Variants in COL4A2 observed in about 807,000 individuals in gnomAD.
The protein encoded by COL4A2 is collagen alpha-2(IV) chain.
COL4A2 carries 99 observed loss-of-function variants against 200.2 expected under a neutral mutation model. The ratio of observed to expected loss-of-function variants is 0.49; its 90% CI spans 0.42 to 0.58. COL4A2 has a LOEUF of 0.58. COL4A2 is among the 20% of genes least tolerant of loss of function. The pLI, the probability that COL4A2 is intolerant of heterozygous loss-of-function variation, is 0.00. For missense variants in COL4A2, 1,950 were observed against 2,314.1 expected, an observed-to-expected ratio of 0.84 and a Z score of 3.23; for synonymous variants, 897 against 900.6, an observed-to-expected ratio of 1.00 and a Z score of 0.07.
At chr13:110,308,047 T>C in intron 2 of COL4A2, 22 bp from the exon 3 acceptor site, 1 of 1,613,590 alleles carries the variant, frequency 6.2e-7, no homozygotes, top group Middle Eastern at 1.7e-4. Context: ...TTCACGTCTC[T>C]CTTCCTCCCT....
chr13:110,422,855 T>G (rs1397150515), intron 4 of COL4A2, among the ~76,000 whole-genome samples: 1 of 152,230 alleles, frequency 6.6e-6, no homozygotes, highest in Non-Finnish European at 1.5e-5. Flanking sequence ...TCCATGCTAC[T>G]GCCTCAATGA....
intron 4 of COL4A2, among the ~76,000 whole-genome samples, chr13:110,370,851 A>G (rs780317053): frequency 6.6e-6 from 1 of 152,172 alleles, no homozygotes; most frequent in East Asian, 1.9e-4. Flanking sequence ...GCTAATTCCT[A>G]CTAGTATTTT....
chr13:110,433,239 G>A (rs1880749101), intron 11 of COL4A2, among the ~76,000 whole-genome samples: 1 of 152,212 alleles, frequency 6.6e-6, no homozygotes, highest in African/African-American at 2.4e-5. Context: ...CCCACCGCCT[G>A]GCAGCCTGGA....
At chr13:110,436,673 G>T (rs1204451405) in intron 13 of COL4A2, among the ~76,000 whole-genome samples, 4 of 151,988 alleles carry the variant, frequency 2.6e-5, no homozygotes, top group African/African-American at 4.8e-5. Context: ...GGAGGCTAAT[G>T]GTCATACCGT....
intron 6 of COL4A2, among the ~76,000 whole-genome samples, chr13:110,426,919 C>T (rs1350412810): frequency 6.6e-6 from 1 of 152,032 alleles, no homozygotes; most frequent in Non-Finnish European, 1.5e-5. Context: ...GCCAGCTCTG[C>T]AAACAGATCG....
intron 3 of COL4A2, among the ~76,000 whole-genome samples, chr13:110,311,170 G>A (rs191954564): frequency 6.6e-6 from 1 of 152,146 alleles, no homozygotes; most frequent in Non-Finnish European, 1.5e-5. Flanking sequence ...AGGATCAGGG[G>A]CAGCAAGTGA....
At chr13:110,316,197 C>G (rs1258977848) in intron 3 of COL4A2, among the ~76,000 whole-genome samples, 1 of 152,094 alleles carries the variant, frequency 6.6e-6, no homozygotes, top group African/African-American at 2.4e-5. Flanking sequence ...TTATCTGGTA[C>G]CTGGTGGTAA....
intron 41 of COL4A2, 80 bp from the exon 42 acceptor site, chr13:110,503,041 T>A: frequency 1.5e-6 from 2 of 1,323,542 alleles, no homozygotes; most frequent in Admixed American, 2.2e-5. Flanking sequence ...GTCGCCTGAA[T>A]GGGTGACGGT....
chr13:110,345,119 A>T (rs944325485), intron 3 of COL4A2, among the ~76,000 whole-genome samples: 2 of 152,090 alleles, frequency 1.3e-5, no homozygotes, highest in East Asian at 1.9e-4. Flanking sequence ...ATGTGATTTG[A>T]CTTTCTTCTT....
At chr13:110,452,040 A>C (rs1336818974) in intron 20 of COL4A2, among the ~76,000 whole-genome samples, 1 of 152,264 alleles carries the variant, frequency 6.6e-6, no homozygotes, top group Non-Finnish European at 1.5e-5. Context: ...AATCTCTTAC[A>C]GCCTCCTACC....
At chr13:110,470,207 T>C (rs368145381) in intron 28 of COL4A2, among the ~76,000 whole-genome samples, 58 of 152,248 alleles carry the variant, frequency 3.8e-4, no homozygotes, top group East Asian at 1.2e-3. Flanking sequence ...TGAGCCACTG[T>C]GCCAGGCCGC....
At chr13:110,380,838 C>T (rs1261615318) in intron 4 of COL4A2, among the ~76,000 whole-genome samples, 1 of 143,214 alleles carries the variant, frequency 7.0e-6, no homozygotes, top group East Asian at 2.2e-4. Flanking sequence ...CTCTATCTCA[C>T]AACCACAGAG....
Position 110,484,935 on chromosome 13 carries a change from C to G in COL4A2, c.2933C>G (p.Pro978Arg). 6.2e-7 allele frequency: 1 copy of G among 1,612,608 alleles called. No individual in the cohort carries two copies. The highest frequency in any genetic ancestry group is 8.5e-7 in the Non-Finnish European group (1 of 1,178,878). Residue 978 changes from proline (P) to arginine (R), a missense_variant, in exon 33 of 48, where the codon CCA (proline) becomes CGA (arginine). Physicochemically the swap from Pro to Arg is moderately radical, Grantham distance 103. This residue lies in a region of COL4A2 where 1,385 missense variants were observed against 1,720.5 expected (regional missense o/e 0.80). Transcript: ENST00000360467. The part of the protein sequence containing the change: ...GSRGDPGPPG[P>R]PPVILPGMKD... Reference sequence around the variant, plus strand: ...CGAGGGGACCCTGGGCCCCCAGGACCACCTCCTGTCATCCTGCCAGGAATG... The same window carrying G: ...CGAGGGGACCCTGGGCCCCCAGGACGACCTCCTGTCATCCTGCCAGGAATG...
chr13:110,436,276 T>G lies in COL4A2; in HGVS notation c.734T>G (p.Val245Gly), dbSNP rs746759612. 1 of 1,614,076 alleles carries G rather than the reference T, an allele frequency of 6.2e-7. No homozygotes were observed. The highest frequency in any genetic ancestry group is 1.7e-5 in the Admixed American group (1 of 60,024). Residue 245 changes from valine to glycine, a missense_variant, in exon 13 of 48, where the codon GTA becomes GGA. Val to Gly is a moderately radical substitution (Grantham distance 109). Coordinates refer to ENST00000360467, the MANE Select transcript of COL4A2 (RefSeq NM_001846.4). ...TTGCTTAACAATATGCAGGGTGACGTAGGGCAGCCGGGACCCAACGGGATT... is the reference window on the plus strand; with the variant it reads ...TTGCTTAACAATATGCAGGGTGACGGAGGGCAGCCGGGACCCAACGGGATT... ...FYGVKGEKGD[V>G]GQPGPNGIPS...
At chr13:110,422,588 C>T (rs1293294094) in intron 4 of COL4A2, among the ~76,000 whole-genome samples, 2 of 152,156 alleles carry the variant, frequency 1.3e-5, no homozygotes, top group Admixed American at 6.5e-5. Context: ...AGAGGAGAAC[C>T]CACTGTCTCT....
chr13:110,480,067 G>A (rs919366852), intron 30 of COL4A2, among the ~76,000 whole-genome samples, 153 bp from the exon 31 acceptor site: 2 of 152,192 alleles, frequency 1.3e-5, no homozygotes, highest in African/African-American at 2.4e-5. Flanking sequence ...GTCCCGCTCC[G>A]GCCACACTTT....
chr13:110,381,046 G>A (rs568307476), intron 4 of COL4A2, among the ~76,000 whole-genome samples: 10 of 134,214 alleles, frequency 7.5e-5, no homozygotes, highest in South Asian at 2.6e-4. Flanking sequence ...TCACACCTAC[G>A]GGCTCTGTCT....
rs186105834 is a variant in COL4A2 at position 110,337,050 on chromosome 13, A to G, written c.100-20422A>G. On this transcript the variant is annotated intron_variant, in intron 3 of 47. Transcript: ENST00000360467. ...GCAGTTTTCAAAGTTCCAAGGAGAAATGAGGGGAAATGAGGAAAACAGACT... is the reference window on the plus strand; with the variant it reads ...GCAGTTTTCAAAGTTCCAAGGAGAAGTGAGGGGAAATGAGGAAAACAGACT... 1.3e-4 allele frequency among the ~76,000 whole-genome samples: 20 copies of G among 152,342 alleles called. No individual in the cohort carries two copies. The East Asian group carries it at 3.9e-3, about 29-fold the overall frequency.
intron 40 of COL4A2, among the ~76,000 whole-genome samples, chr13:110,496,514 G>A (rs554786098): frequency 6.6e-6 from 1 of 152,340 alleles, no homozygotes; most frequent in East Asian, 1.9e-4. Flanking sequence ...TCAGGGTGAG[G>A]ATCCAGGACA....
Sources: gnomAD v4.1 joint callset for allele counts (sites outside exome capture counted in the v4.1 genomes callset) on GRCh38, gnomAD v4.1.1 for gene constraint, gnomAD v4.1.1 regional missense constraint, MANE v1.5 for transcripts, NCBI Gene and HGNC (gene_info 2026-07-23, HGNC 2026-07-21) for gene names.